Variants in NBPF3 observed in about 807,000 individuals in gnomAD.
NBPF3 encodes NBPF family member NBPF3.
A neutral mutation model predicts 78.1 loss-of-function variants in NBPF3; 57 were observed. That is an observed-to-expected ratio of 0.73 (90% confidence interval 0.59 to 0.91). The LOEUF is 0.91. Ranked by LOEUF, NBPF3 falls within the 40% of genes least tolerant of loss-of-function variation. NBPF3 has a pLI of 0.00. For missense variants in NBPF3, 510 were observed against 715.3 expected, an observed-to-expected ratio of 0.71 and a Z score of 3.27; for synonymous variants, 182 against 271.7, an observed-to-expected ratio of 0.67 and a Z score of 3.25.
intron 1 of NBPF3, among the ~76,000 whole-genome samples, chr1:21,444,279 T>G (rs1369818809): frequency 6.6e-6 from 1 of 152,204 alleles, no homozygotes; most frequent in Non-Finnish European, 1.5e-5. Context: ...GAAATGTCAA[T>G]GAAAAATAAA....
intron 3 of NBPF3, among the ~76,000 whole-genome samples, chr1:21,470,248 C>G (rs555874553): frequency 6.6e-6 from 1 of 152,190 alleles, no homozygotes; most frequent in Admixed American, 6.5e-5. Context: ...TCCCATAGTC[C>G]TAGGGGCCTT....
Position 21,479,419 on chromosome 1 carries a change from G to A in NBPF3, c.1208+19G>A. Reference sequence around the variant, plus strand: ...GTCCCAGGTGAGTCTGAGAAATTATGGACAGTTAATTTGATGTTGACACCT... The same window carrying A: ...GTCCCAGGTGAGTCTGAGAAATTATAGACAGTTAATTTGATGTTGACACCT... On this transcript the variant is annotated intron_variant, in intron 10 of 14. Coordinates refer to ENST00000318249, the MANE Select transcript of NBPF3 (RefSeq NM_032264.6). 6.2e-7 allele frequency: 1 copy of A among 1,606,030 alleles called. No homozygotes were observed. The highest frequency in any genetic ancestry group is 8.5e-7 in the Non-Finnish European group (1 of 1,176,456).
chr1:21,479,303 G>A (rs778924356), intron 9 of NBPF3, 46 bp from the exon 10 acceptor site: 1 of 1,592,420 alleles, frequency 6.3e-7, no homozygotes, highest in Non-Finnish European at 8.6e-7. Context: ...CCGTGTGCAA[G>A]GAAGAACTGC....
At chr1:21,464,670 C>T (rs1422679429) in intron 2 of NBPF3, among the ~76,000 whole-genome samples, 1 of 141,506 alleles carries the variant, frequency 7.1e-6, no homozygotes, top group Non-Finnish European at 1.5e-5. Context: ...TGTCTTTCCA[C>T]ATCTCCATGT....
chr1:21,473,059 A>G lies in NBPF3; in HGVS notation c.734+144A>G, dbSNP rs72872302. ...GAGAAACTCAAGCCAGCTTGGACAC[A>G]GGGTGTGGCAGCTGTTGTGTTTCTC... On this transcript the variant is annotated intron_variant, in intron 6 of 14. Coordinates refer to ENST00000318249, the MANE Select transcript of NBPF3 (RefSeq NM_032264.6). 1,293 of 729,668 alleles carry G rather than the reference A, an allele frequency of 1.8e-3. 15 individuals are homozygous for G. The African/African-American group carries it at 0.019, about 11-fold the overall frequency. The allele number at this position is 729,668 out of a possible 1,614,324, so 45.2% of individuals were successfully genotyped here.
At chr1:21,475,165 G>A (rs920055582) in intron 8 of NBPF3, among the ~76,000 whole-genome samples, 1 of 152,186 alleles carries the variant, frequency 6.6e-6, no homozygotes, top group Non-Finnish European at 1.5e-5. Context: ...GATGAGCCAG[G>A]TGAACTAGCC....
intron 2 of NBPF3, among the ~76,000 whole-genome samples, chr1:21,447,828 C>T (rs912153338): frequency 2.0e-5 from 3 of 152,170 alleles, no homozygotes; most frequent in Non-Finnish European, 2.9e-5. Flanking sequence ...GGTGTGTTCA[C>T]CTTTTTGAAT....
rs1223103006 is a variant in NBPF3 at position 21,478,156 on chromosome 1, G to A, written c.1005G>A (p.Glu335=). 2 of 1,614,096 alleles carry A rather than the reference G, an allele frequency of 1.2e-6. No individual in the cohort carries two copies. The highest frequency in any genetic ancestry group is 2.2e-5 in the East Asian group (1 of 44,888). The change falls in exon 9 of 15, where the codon GAG becomes GAA. Residue 335 remains glutamate, a synonymous_variant. Transcript: ENST00000318249. ...CCTGGCTCATCAGGAATCTGCAGGA[G>A]TCTGAAGAGGAGGAAGCCCCCCAGG... ...KGPVSPRNLQ[E]SEEEEAPQES... is the part of the protein sequence containing the mutation.
rs139084041 is a variant in NBPF3 at position 21,467,936 on chromosome 1, A to G, written c.134-752A>G. Among the ~76,000 whole-genome samples the G allele has an allele frequency of 7.2e-5, 11 of 152,336 alleles. No homozygotes were observed. In the South Asian group the frequency reaches 1.0e-3, roughly 14 times the overall value. On this transcript the variant is annotated intron_variant, in intron 2 of 14. Coordinates refer to ENST00000318249, the MANE Select transcript of NBPF3 (RefSeq NM_032264.6). Reference sequence around the variant, plus strand: ...TGCCCCAGTGAGAAAAAAGAAATCAACGTAACAATGGGAATCAGCAAGAAG... The same window carrying G: ...TGCCCCAGTGAGAAAAAAGAAATCAGCGTAACAATGGGAATCAGCAAGAAG...
chr1:21,449,745 A>G (rs1641195995), intron 2 of NBPF3: 1 of 158,788 alleles, frequency 6.3e-6, no homozygotes, highest in Admixed American at 6.5e-5. Flanking sequence ...TGCTAGGATT[A>G]CAGACATGAA....
In NBPF3 at chr1:21,463,493, C is replaced by T. The variant is rs556311054; in HGVS notation, c.134-5195C>T. 3.3e-5 allele frequency among the ~76,000 whole-genome samples: 5 copies of T among 152,262 alleles called. No homozygotes were observed. The South Asian group carries it at 1.0e-3, about 32-fold the overall frequency. ...ACAATGTCCACCGTCCTCTAAAACCCAGGAAAGTTCTCATTCAAAAGACGA... is the reference window on the plus strand; with the variant it reads ...ACAATGTCCACCGTCCTCTAAAACCTAGGAAAGTTCTCATTCAAAAGACGA... On this transcript the variant is annotated intron_variant, in intron 2 of 14. Coordinates refer to ENST00000318249, the MANE Select transcript of NBPF3 (RefSeq NM_032264.6).
In NBPF3 at chr1:21,460,396, C is replaced by T. The variant is rs542511489; in HGVS notation, c.134-8292C>T. 1.1e-4 allele frequency among the ~76,000 whole-genome samples: 17 copies of T among 152,236 alleles called. No homozygotes were observed. Among genetic ancestry groups the T allele is most frequent in the South Asian group, 2.1e-4 (1 of 4,824 alleles). Reference sequence around the variant, plus strand: ...CCAGCCCCCAACCCCAGGGACAGGCCGTGGTGTGTGATGTTCCCCGCCCTG... The same window carrying T: ...CCAGCCCCCAACCCCAGGGACAGGCTGTGGTGTGTGATGTTCCCCGCCCTG... On this transcript the variant is annotated intron_variant, in intron 2 of 14. Transcript: ENST00000318249. This position sits in a 1 kb window ranked among gnomAD's most constrained non-coding sequence, Gnocchi z 4.2.
chr1:21,442,230 T>C (rs1640695615), intron 1 of NBPF3: 1 of 152,248 alleles, frequency 6.6e-6, no homozygotes, highest in Admixed American at 6.5e-5. Flanking sequence ...TTTTTTTCTT[T>C]TTGAAACAGG....
chr1:21,438,385 A>T (rs1338016983), upstream of NBPF3, among the ~76,000 whole-genome samples: 1 of 152,206 alleles, frequency 6.6e-6, no homozygotes, highest in Non-Finnish European at 1.5e-5. Flanking sequence ...AAGTGCTGGG[A>T]TTACAGGTTG....
At chr1:21,450,508 C>G (rs6672558) in intron 2 of NBPF3, among the ~76,000 whole-genome samples, 152,151 of 152,312 alleles carry the variant, frequency 1, 75,995 homozygotes, top group Middle Eastern at 1. Context: ...CACAGGAATG[C>G]TGTCTCATCA....
chr1:21,457,117 T>C (rs1449338858), intron 2 of NBPF3, among the ~76,000 whole-genome samples: 1 of 152,122 alleles, frequency 6.6e-6, no homozygotes, highest in African/African-American at 2.4e-5. Context: ...AAGTAACTTC[T>C]AAATACATGT....
intron 1 of NBPF3, among the ~76,000 whole-genome samples, chr1:21,443,305 G>A (rs1178087625): frequency 6.6e-6 from 1 of 152,182 alleles, no homozygotes. Flanking sequence ...GGGCGTTCAG[G>A]CAAAATGTAT....
chr1:21,444,696 T>G (rs1640860290), intron 1 of NBPF3, among the ~76,000 whole-genome samples: 1 of 152,200 alleles, frequency 6.6e-6, no homozygotes, highest in Non-Finnish European at 1.5e-5. Context: ...TAGCTGGGAC[T>G]ACAAGTGTGT....
chr1:21,457,577 T>A (rs4495665), intron 2 of NBPF3, among the ~76,000 whole-genome samples: 124,069 of 151,624 alleles, frequency 0.82, 53,458 homozygotes, highest in South Asian at 0.96. Flanking sequence ...GAATACAACT[T>A]GATAGCAGTA....
Sources: allele counts gnomAD v4.1 joint callset (sites outside exome capture counted in the v4.1 genomes callset), GRCh38; gene constraint gnomAD v4.1.1; non-coding constraint Gnocchi (gnomAD v3.1); transcripts MANE v1.5; gene names NCBI Gene and HGNC (gene_info 2026-07-23, HGNC 2026-07-21).